Variants in UTRN observed in about 807,000 individuals in gnomAD.
The protein encoded by UTRN is dystrophin-related protein 1.
Under a neutral mutation model 463.9 loss-of-function variants are expected in UTRN, and 283 were observed. That is an observed-to-expected ratio of 0.61 (90% confidence interval 0.55 to 0.67). The LOEUF is 0.67. Ranked by LOEUF, UTRN falls within the 30% of genes least tolerant of loss-of-function variation. UTRN has a pLI of 0.00. For missense variants in UTRN, 3,922 were observed against 4,084.3 expected (o/e 0.96, Z 1.08); for synonymous variants, 1,442 against 1,431.5 (o/e 1.01, Z -0.17).
At chr6:144,455,692 G>A (rs1788746723) in intron 19 of UTRN, among the ~76,000 whole-genome samples, 1 of 152,152 alleles carries the variant, frequency 6.6e-6, no homozygotes, top group Non-Finnish European at 1.5e-5. Context: ...GGATTCTCCT[G>A]TCCTTTTCTA....
intron 13 of UTRN, among the ~76,000 whole-genome samples, chr6:144,443,460 C>T (rs1787362560): frequency 6.6e-6 from 1 of 152,114 alleles, no homozygotes; most frequent in Non-Finnish European, 1.5e-5. Flanking sequence ...TAAGTTTTCT[C>T]CCCCTTTGTA....
chr6:144,376,957 T>C (rs2114726849), intron 2 of UTRN, among the ~76,000 whole-genome samples: 1 of 152,322 alleles, frequency 6.6e-6, no homozygotes, highest in Middle Eastern at 3.4e-3. Flanking sequence ...ACCCTGTTTG[T>C]CACAATAAAT....
intron 50 of UTRN, among the ~76,000 whole-genome samples, chr6:144,573,664 C>A (rs1321056244): frequency 1.3e-5 from 2 of 151,962 alleles, no homozygotes; most frequent in East Asian, 3.9e-4. Flanking sequence ...CCACTGCACT[C>A]CAGCCTTGGT....
At chr6:144,515,972 A>G (rs1056202396) in intron 37 of UTRN, among the ~76,000 whole-genome samples, 1 of 152,198 alleles carries the variant, frequency 6.6e-6, no homozygotes, top group Admixed American at 6.5e-5. Context: ...AATCCACGCC[A>G]CAACACTCTG....
rs555901616 is a variant in UTRN at position 144,701,771 on chromosome 6, T to C, written c.7809+1528T>C. ...TCATTTATGTAATAAGTTGCTTTAA[T>C]ACAAAATGATAAGACCCTGAAATTT... On this transcript the variant is annotated intron_variant, in intron 53 of 74. Coordinates refer to ENST00000367545, the MANE Select transcript of UTRN (RefSeq NM_007124.3). 4.7e-3 allele frequency among the ~76,000 whole-genome samples: 717 copies of C among 152,294 alleles called. 4 individuals carry two copies. The highest frequency in any genetic ancestry group is 0.017 in the African/African-American group (692 of 41,562).
intron 2 of UTRN, among the ~76,000 whole-genome samples, 159 bp from the exon 3 acceptor site, chr6:144,402,964 A>G (rs1201376755): frequency 1.3e-5 from 2 of 152,118 alleles, no homozygotes; most frequent in African/African-American, 4.8e-5. Flanking sequence ...TGTACCGGGC[A>G]GTCATCACAT....
At chr6:144,741,988 C>A (rs1425479415) in intron 54 of UTRN, among the ~76,000 whole-genome samples, 1 of 152,112 alleles carries the variant, frequency 6.6e-6, no homozygotes, top group Non-Finnish European at 1.5e-5. Flanking sequence ...TGTCCCCTCT[C>A]TTAATAACTT....
intron 65 of UTRN, among the ~76,000 whole-genome samples, chr6:144,820,654 G>T (rs1779525490): frequency 6.6e-6 from 1 of 152,144 alleles, no homozygotes; most frequent in Admixed American, 6.5e-5. Flanking sequence ...ACTAGGTATG[G>T]TTTATTTTCA....
chr6:144,714,400 A>G (rs898751349), intron 53 of UTRN, among the ~76,000 whole-genome samples: 10 of 152,280 alleles, frequency 6.6e-5, no homozygotes, highest in Middle Eastern at 3.4e-3. Context: ...GCTTTTTTGA[A>G]ACCAAAAGCT....
chr6:144,657,250 CAAAAAAA>C (rs11400052), intron 51 of UTRN, among the ~76,000 whole-genome samples: 2 of 68,868 alleles, frequency 2.9e-5, no homozygotes, highest in Non-Finnish European at 6.3e-5. Flanking sequence ...AACTCCATCT[CAAAAAAA>C]AAAAAAAAAA....
At chr6:144,363,069 CTTTTAA>C (rs920159578) in intron 2 of UTRN, among the ~76,000 whole-genome samples, 8 of 152,060 alleles carry the variant, frequency 5.3e-5, no homozygotes, top group Non-Finnish European at 8.8e-5. Context: ...GTACATAGCA[CTTTTAA>C]TTTTATGTTT....
chr6:144,424,233 C>G (rs1478854904), intron 6 of UTRN, among the ~76,000 whole-genome samples, 155 bp downstream of exon 6: 1 of 152,182 alleles, frequency 6.6e-6, no homozygotes, highest in Non-Finnish European at 1.5e-5. Context: ...AGTCCAAGAT[C>G]AAGGCATCAG....
intron 2 of UTRN, among the ~76,000 whole-genome samples, chr6:144,316,623 C>T (rs540156512): frequency 7.2e-5 from 11 of 152,274 alleles, no homozygotes; most frequent in Admixed American, 2.0e-4. Context: ...ATGAATTGAT[C>T]GCTTGCTAAT....
intron 53 of UTRN, among the ~76,000 whole-genome samples, chr6:144,729,311 C>T (rs1169989628): frequency 6.6e-6 from 1 of 151,826 alleles, no homozygotes; most frequent in Non-Finnish European, 1.5e-5. Flanking sequence ...TCATTCTTAC[C>T]TTTTATTGAC....
chr6:144,395,793 GTT>G (rs1489317664), intron 2 of UTRN, among the ~76,000 whole-genome samples: 1 of 152,168 alleles, frequency 6.6e-6, no homozygotes, highest in Non-Finnish European at 1.5e-5. Context: ...AGGTGTCTAA[GTT>G]TGGGGGTTTT....
intron 51 of UTRN, among the ~76,000 whole-genome samples, chr6:144,600,054 G>A (rs6920388): frequency 0.16 from 23,881 of 152,110 alleles, 2,104 homozygotes; most frequent in South Asian, 0.28. Context: ...GGCACCTCAA[G>A]CCACACCCAT....
intron 51 of UTRN, among the ~76,000 whole-genome samples, chr6:144,651,762 G>A (rs986011449): frequency 2.6e-5 from 4 of 152,104 alleles, no homozygotes; most frequent in Admixed American, 1.3e-4. Context: ...GTCAGTTTGC[G>A]TGTTGTAAAT....
At position 144,681,892 on chromosome 6, in the gene UTRN, A is replaced by G. The variant is rs146337059; in HGVS notation, c.7652+3314A>G. ...TGTATATATTTATGGAGTACACGAG[A>G]TATTTTGGTACAGGCATGCATGCAA... On this transcript the variant is annotated intron_variant, in intron 52 of 74. Coordinates refer to ENST00000367545, the MANE Select transcript of UTRN (RefSeq NM_007124.3). Among the ~76,000 whole-genome samples, 342 of 152,240 alleles carry G rather than the reference A, an allele frequency of 2.2e-3. 2 individuals are homozygous for G. Among genetic ancestry groups the G allele is most frequent in the African/African-American group, 8.1e-3 (338 of 41,546 alleles).
intron 21 of UTRN, 34 bp from the exon 22 acceptor site, chr6:144,461,163 G>T (rs1440346096): frequency 6.5e-7 from 1 of 1,530,796 alleles, no homozygotes; most frequent in Non-Finnish European, 8.8e-7. Context: ...TTCCTAATAT[G>T]ATTTTTTCAA....
Sources: gnomAD v4.1 joint callset for allele counts (sites outside exome capture counted in the v4.1 genomes callset) on GRCh38, gnomAD v4.1.1 for gene constraint, MANE v1.5 for transcripts, NCBI Gene and HGNC (gene_info 2026-07-23, HGNC 2026-07-21) for gene names.